Variants in SLC25A31 observed in about 807,000 individuals in gnomAD.
SLC25A31 encodes solute carrier family 25 member 31.
In SLC25A31, 40 loss-of-function variants were observed where a neutral mutation model predicts 36.2. That is an observed-to-expected ratio of 1.10 (90% confidence interval 0.86 to 1.44). The LOEUF is 1.44. Ranked by LOEUF, SLC25A31 falls within the 40% of genes most tolerant of loss-of-function variation. The pLI, the probability that SLC25A31 is intolerant of heterozygous loss-of-function variation, is 0.00. For missense variants in SLC25A31, 350 were observed against 397.1 expected, an observed-to-expected ratio of 0.88 and a Z score of 1.01; for synonymous variants, 143 against 149.7, an observed-to-expected ratio of 0.96 and a Z score of 0.32.
chr4:127,764,216 AAC>A (rs1319212824), intron 2 of SLC25A31, 25 bp from the exon 3 acceptor site: 1 of 1,582,094 alleles, frequency 6.3e-7, no homozygotes, highest in Non-Finnish European at 8.7e-7. Flanking sequence ...GTGGTTTAAT[AAC>A]CACTTTTAAA....
intron 2 of SLC25A31, among the ~76,000 whole-genome samples, chr4:127,748,713 C>T (rs1263039725): frequency 6.6e-6 from 1 of 152,204 alleles, no homozygotes; most frequent in Non-Finnish European, 1.5e-5. Flanking sequence ...GACTTGGATC[C>T]AACCCCACTG....
In SLC25A31 at chr4:127,773,490, T is replaced by A; in HGVS notation, c.864T>A (p.Val288=). 1.2e-6 allele frequency: 2 copies of A among 1,614,144 alleles called. No individual in the cohort carries two copies. The highest frequency in any genetic ancestry group is 3.3e-4 in the Middle Eastern group (2 of 6,062). ...TTTTTCGTGGCGCCTTCTCCAATGTTCTTCGCGGTACAGGGGGTGCTTTGG... is the reference window on the plus strand; with the variant it reads ...TTTTTCGTGGCGCCTTCTCCAATGTACTTCGCGGTACAGGGGGTGCTTTGG... ...SSFFRGAFSN[V]LRGTGGALVL... is the part of the protein sequence containing the mutation. Residue 288 remains valine, a synonymous_variant, in exon 6 of 6, where the codon GTT becomes GTA. Coordinates refer to ENST00000281154, the MANE Select transcript of SLC25A31 (RefSeq NM_031291.4).
intron 2 of SLC25A31, among the ~76,000 whole-genome samples, chr4:127,759,633 T>C (rs1284546743): frequency 6.6e-6 from 1 of 152,144 alleles, no homozygotes; most frequent in Non-Finnish European, 1.5e-5. Context: ...TATAGATTAA[T>C]AGGTGGTTAA....
rs1434561169 is a variant in SLC25A31 at position 127,767,133 on chromosome 4, T to C, written c.546T>C (p.Ile182=). The C allele has an allele frequency of 3.1e-6, 5 of 1,613,748 alleles. No individual in the cohort carries two copies. The African/African-American group carries it at 5.3e-5, about 17-fold the overall frequency. Residue 182 remains isoleucine (I), a synonymous_variant, in exon 4 of 6, where the codon ATT becomes ATC. Transcript: ENST00000281154. ...CIMKIAKSDG[I]AGLYQGFGVS... ...TGAAAATAGCAAAATCAGATGGAAT[T>C]GCTGGTTTATACCAAGGGTTTGGTG...
At chr4:127,751,289 C>G (rs1197857794) in intron 2 of SLC25A31, among the ~76,000 whole-genome samples, 1 of 152,206 alleles carries the variant, frequency 6.6e-6, no homozygotes, top group Non-Finnish European at 1.5e-5. Flanking sequence ...ACCATCTGAT[C>G]TTTAACAAAC....
At chr4:127,759,710 G>C (rs958260986) in intron 2 of SLC25A31, among the ~76,000 whole-genome samples, 13 of 152,060 alleles carry the variant, frequency 8.5e-5, no homozygotes, top group African/African-American at 2.9e-4. Flanking sequence ...GTTCTGTTTA[G>C]GATGATGAAA....
intron 1 of SLC25A31, 34 bp from the exon 2 acceptor site, chr4:127,744,637 TG>T (rs1248138456): frequency 6.4e-7 from 1 of 1,555,942 alleles, no homozygotes. Flanking sequence ...AATAATACAA[TG>T]TAGGTTTATG....
At chr4:127,758,006 C>T (rs975926378) in intron 2 of SLC25A31, among the ~76,000 whole-genome samples, 6 of 152,074 alleles carry the variant, frequency 3.9e-5, no homozygotes, top group African/African-American at 1.4e-4. Flanking sequence ...AAGGGCACTT[C>T]TTACATGGTA....
chr4:127,770,703 C>T (rs144861062), intron 5 of SLC25A31, among the ~76,000 whole-genome samples: 2 of 151,590 alleles, frequency 1.3e-5, no homozygotes, highest in African/African-American at 4.8e-5. Flanking sequence ...AATCTCACAA[C>T]AGTACAGAAA....
intron 1 of SLC25A31, among the ~76,000 whole-genome samples, chr4:127,740,379 G>A (rs1731710593): frequency 1.3e-5 from 2 of 152,120 alleles, no homozygotes; most frequent in Admixed American, 6.6e-5. Context: ...TGTTGGACAG[G>A]GGCTTTTGAC....
intron 2 of SLC25A31, among the ~76,000 whole-genome samples, chr4:127,750,467 A>G (rs1731908692): frequency 6.6e-6 from 1 of 152,230 alleles, no homozygotes; most frequent in African/African-American, 2.4e-5. Context: ...AATTTGAACC[A>G]TTTGTATTGT....
chr4:127,746,659 G>A (rs1277278744), intron 2 of SLC25A31, among the ~76,000 whole-genome samples: 1 of 151,870 alleles, frequency 6.6e-6, no homozygotes. Context: ...TAAGTTCCTT[G>A]TAGATGCTAG....
Position 127,764,254 on chromosome 4 carries a change from G to A in SLC25A31, c.372G>A (p.Trp124Ter). The change falls in exon 3 of 6, where the codon TGG becomes TGA. Residue 124 changes from tryptophan (W) to a stop codon, truncating the protein, a stop_gained. Transcript: ENST00000281154. LOFTEE classifies it high-confidence loss of function. ...GVNKEKQFWRWFLANLASGGA... is the reference protein window; with the variant it reads ...GVNKEKQFWR ...TTAATATGTTTCAGTTCTGGAGGTG[G>A]TTTTTGGCAAACCTGGCTTCTGGTG... 6.2e-7 allele frequency: 1 copy of A among 1,613,778 alleles called. No individual in the cohort carries two copies. The highest frequency in any genetic ancestry group is 1.1e-5 in the South Asian group (1 of 91,042).
Position 127,734,332 on chromosome 4 carries a change from G to A in SLC25A31, c.232+3555G>A, listed in dbSNP as rs541676685. ...GCCAGCACTTTGGGAGGCAGAGGTG[G>A]GCAGATCACTTGAGGCCAGGAGTTC... On this transcript the variant is annotated intron_variant, in intron 1 of 5. Coordinates refer to ENST00000281154, the MANE Select transcript of SLC25A31 (RefSeq NM_031291.4). 1.7e-4 allele frequency among the ~76,000 whole-genome samples: 26 copies of A among 152,116 alleles called. No homozygotes were observed. In the Middle Eastern group the frequency reaches 0.014, roughly 80 times the overall value.
At chr4:127,739,784 T>C (rs1405329882) in intron 1 of SLC25A31, among the ~76,000 whole-genome samples, 8 of 152,122 alleles carry the variant, frequency 5.3e-5, no homozygotes, top group Admixed American at 5.2e-4. Context: ...ATTAAAATTC[T>C]TTTTTCTGTA....
rs187408389 is a variant in SLC25A31, at chr4:127,765,190, G to A, written c.478+830G>A. Reference sequence around the variant, plus strand: ...CACAGTAAGTCATTTGGCTGCTCAGGGTGAGGTTGTGGATATTGAGCATCT... The same window carrying A: ...CACAGTAAGTCATTTGGCTGCTCAGAGTGAGGTTGTGGATATTGAGCATCT... On this transcript the variant is annotated intron_variant, in intron 3 of 5. Transcript: ENST00000281154. 2.0e-4 allele frequency among the ~76,000 whole-genome samples: 31 copies of A among 152,238 alleles called. No individual in the cohort carries two copies. The East Asian group carries it at 5.8e-3, about 28-fold the overall frequency.
chr4:127,770,949 CTTT>C (rs558206857), intron 5 of SLC25A31, among the ~76,000 whole-genome samples: 4 of 80,826 alleles, frequency 4.9e-5, no homozygotes, highest in South Asian at 4.2e-4. Context: ...TCTTCTTCTT[CTTT>C]TTTTTTTTTT....
chr4:127,771,897 G>A (rs1578676126), intron 5 of SLC25A31, among the ~76,000 whole-genome samples: 2 of 152,086 alleles, frequency 1.3e-5, no homozygotes, highest in South Asian at 2.1e-4. Flanking sequence ...AAATTAATCT[G>A]TTTTCTAGAG....
At chr4:127,761,732 T>C (rs1288969869) in intron 2 of SLC25A31, among the ~76,000 whole-genome samples, 1 of 152,260 alleles carries the variant, frequency 6.6e-6, no homozygotes, top group Non-Finnish European at 1.5e-5. Context: ...ACTCTAAAAA[T>C]ATATGTTCAT....
Sources: gnomAD v4.1 joint callset for allele counts (sites outside exome capture counted in the v4.1 genomes callset) on GRCh38, gnomAD v4.1.1 for gene constraint, MANE v1.5 for transcripts, NCBI Gene and HGNC (gene_info 2026-07-23, HGNC 2026-07-21) for gene names.